COPS7A: variants seen among roughly 807,000 people sequenced by gnomAD.
COPS7A encodes the protein COP9 signalosome complex subunit 7a.
A neutral mutation model predicts 35.2 loss-of-function variants in COPS7A; 20 were observed. The ratio of observed to expected loss-of-function variants is 0.57; its 90% CI spans 0.40 to 0.83. The LOEUF (loss-of-function observed/expected upper bound fraction) is 0.83. COPS7A is among the 40% of genes least tolerant of loss of function. The pLI, the probability that COPS7A is intolerant of heterozygous loss-of-function variation, is 0.00. For synonymous variants in COPS7A, 139 were observed against 141.4 expected (o/e 0.98, Z 0.12); for missense variants, 247 against 347.5 (o/e 0.71, Z 2.30).
intron 2 of COPS7A, chr12:6,727,689 T>A (rs1386541163): frequency 4.6e-6 from 3 of 650,424 alleles, no homozygotes; most frequent in African/African-American, 3.6e-5. Flanking sequence ...TTGGATGACG[T>A]ATGGAGCAAG....
Position 6,730,680 on chromosome 12 carries a change from T to C in COPS7A, c.648T>C (p.Leu216=). ...KQQIESEVAN[L]KKTIKVTTAA... is the part of the protein sequence containing the mutation. The stretch of plus-strand genomic sequence containing the variant: ...TTTCATCCTGGTAGGTTGCCAACCT[T>C]AAAAAAACCATTAAAGTTACGACGG... The change falls in exon 7 of 8, where the codon CTT becomes CTC. Residue 216 remains leucine (L), a synonymous_variant. Transcript: ENST00000543155. 6.2e-7 allele frequency: 1 copy of C among 1,613,942 alleles called. No individual in the cohort carries two copies. The highest frequency in any genetic ancestry group is 2.2e-5 in the East Asian group (1 of 44,864).
Position 6,728,016 on chromosome 12 carries a change from T to A in COPS7A, c.238+15T>A. On this transcript the variant is annotated intron_variant, in intron 3 of 7. Transcript: ENST00000543155. Reference sequence around the variant, plus strand: ...TGACTACTTAGGTAACCAGAGGGGTTGGTGCTCTGGAGTAATGGAGATGGG... The same window carrying A: ...TGACTACTTAGGTAACCAGAGGGGTAGGTGCTCTGGAGTAATGGAGATGGG... 5.0e-6 allele frequency: 8 copies of A among 1,612,698 alleles called. No individual in the cohort carries two copies. The highest frequency in any genetic ancestry group is 6.8e-6 in the Non-Finnish European group (8 of 1,178,728).
Position 6,729,415 on chromosome 12 carries a change from G to A in COPS7A, c.496G>A (p.Asp166Asn). ...YSIGRDIQRQDLSAIARTLQE... is the reference protein window; with the variant it reads ...YSIGRDIQRQNLSAIARTLQE... ...CATCGGGCGGGACATCCAGCGCCAGGACCTCAGTGCCATTGCCCGAACCCT... is the reference window on the plus strand; with the variant it reads ...CATCGGGCGGGACATCCAGCGCCAGAACCTCAGTGCCATTGCCCGAACCCT... Residue 166 changes from aspartate (D) to asparagine (N), a missense_variant, in exon 5 of 8, where the codon GAC (aspartate) becomes AAC (asparagine). Coordinates refer to ENST00000543155, the MANE Select transcript of COPS7A (RefSeq NM_001164094.2). This position sits in a 1 kb window ranked among gnomAD's most constrained non-coding sequence, Gnocchi z 4.2. 1.2e-6 allele frequency: 2 copies of A among 1,614,058 alleles called. No individual in the cohort carries two copies. Among genetic ancestry groups the A allele is most frequent in the Non-Finnish European group, 1.7e-6 (2 of 1,180,042 alleles).
intron 7 of COPS7A, 52 bp from the exon 8 acceptor site, chr12:6,730,948 G>A (rs1231299733): frequency 1.3e-6 from 2 of 1,592,894 alleles, no homozygotes; most frequent in African/African-American, 2.7e-5. Flanking sequence ...AGGGGTTAGG[G>A]GATTCCCTGC....
chr12:6,730,717 G>GCAGCCA lies in COPS7A; in HGVS notation c.688_693dup (p.Ala230_Thr231dup). The GCAGCCA allele has an allele frequency of 1.2e-6, 2 of 1,613,576 alleles. No homozygotes were observed. Among genetic ancestry groups the GCAGCCA allele is most frequent in the East Asian group, 2.2e-5 (1 of 44,870 alleles). ...TAAAGTTACGACGGCAGCAGCAGCC[G>GCAGCCA]CAGCCACATCTCAGGACCCTGAGCA... is the stretch of plus-strand genomic sequence containing the variant. On this transcript the variant is annotated inframe_insertion, in exon 7 of 8. Coordinates refer to ENST00000543155, the MANE Select transcript of COPS7A (RefSeq NM_001164094.2).
chr12:6,724,677 G>A lies in COPS7A; in HGVS notation c.21G>A (p.Val7=), dbSNP rs1465561032. Residue 7 remains valine, a synonymous_variant, in exon 2 of 8, where the codon GTG becomes GTA. Coordinates refer to ENST00000543155, the MANE Select transcript of COPS7A (RefSeq NM_001164094.2). MSAEVK[V]TGQNQEQFLL... ...CAGTGATGAGTGCGGAAGTGAAGGT[G>A]ACAGGGCAGAACCAGGAGCAATTTC... 1 of 1,614,122 alleles carries A rather than the reference G, an allele frequency of 6.2e-7. No homozygotes were observed.
intron 5 of COPS7A, 32 bp from the exon 6 acceptor site, chr12:6,730,370 C>A (rs1032647247): frequency 6.2e-7 from 1 of 1,603,870 alleles, no homozygotes; most frequent in Admixed American, 1.7e-5. Flanking sequence ...CAGCCCTTGT[C>A]TGCTGACACT....
In COPS7A at chr12:6,729,287, G is replaced by A. The variant is rs141939720; in HGVS notation, c.368G>A (p.Arg123His). 88 of 1,614,142 alleles carry A rather than the reference G, an allele frequency of 5.5e-5. No individual in the cohort carries two copies. The African/African-American group carries it at 5.9e-4, about 11-fold the overall frequency. The change falls in exon 5 of 8, where the codon CGT (arginine) becomes CAT (histidine). Residue 123 changes from arginine (R) to histidine (H), a missense_variant. Coordinates refer to ENST00000543155, the MANE Select transcript of COPS7A (RefSeq NM_001164094.2). This position sits in a 1 kb window ranked among gnomAD's most constrained non-coding sequence, Gnocchi z 4.2. ...GTGTTGCTGGAGGCTCTTGCCCTGCGTAATGTGCGGCAGCTGGAAGACCTT... is the reference window on the plus strand; with the variant it reads ...GTGTTGCTGGAGGCTCTTGCCCTGCATAATGTGCGGCAGCTGGAAGACCTT... ...YAVLLEALALRNVRQLEDLVI... is the reference protein window; with the variant it reads ...YAVLLEALALHNVRQLEDLVI...
chr12:6,728,649 A>C (rs1941316551), intron 4 of COPS7A, among the ~76,000 whole-genome samples: 1 of 152,146 alleles, frequency 6.6e-6, no homozygotes, highest in Non-Finnish European at 1.5e-5. Flanking sequence ...TCTCTTTGTT[A>C]GGATAAAACA....
intron 3 of COPS7A, 25 bp downstream of exon 3, chr12:6,728,026 G>C: frequency 1.2e-6 from 2 of 1,611,138 alleles, no homozygotes; most frequent in Non-Finnish European, 1.7e-6. Flanking sequence ...TGGTGCTCTG[G>C]AGTAATGGAG....
chr12:6,725,719 A>G (rs1189839077), intron 2 of COPS7A: 3 of 456,064 alleles, frequency 6.6e-6, no homozygotes, highest in Admixed American at 4.7e-5. Flanking sequence ...TTAATTTACA[A>G]TCAGAGGAGG....
At chr12:6,726,006 T>A (rs1941243528) in intron 2 of COPS7A, 1 of 426,660 alleles carries the variant, frequency 2.3e-6, no homozygotes, top group South Asian at 1.6e-5. Flanking sequence ...TATGGCAGAA[T>A]CCTGTCTCTG....
rs1422530598 is a variant in COPS7A at position 6,729,620 on chromosome 12, C to T, written c.530+171C>T. ...CTGGGGAATGCAGGAGTAGGGGAGGCCCTGGGAGGCGGCAGAAGTCAGTGT... is the reference window on the plus strand; with the variant it reads ...CTGGGGAATGCAGGAGTAGGGGAGGTCCTGGGAGGCGGCAGAAGTCAGTGT... On this transcript the variant is annotated intron_variant, in intron 5 of 7. Coordinates refer to ENST00000543155, the MANE Select transcript of COPS7A (RefSeq NM_001164094.2). This position sits in a 1 kb window ranked among gnomAD's most constrained non-coding sequence, Gnocchi z 4.2. Among the ~76,000 whole-genome samples the T allele has an allele frequency of 1.3e-5, 2 of 152,110 alleles. No individual in the cohort carries two copies. The highest frequency in any genetic ancestry group is 2.4e-5 in the African/African-American group (1 of 41,418).
chr12:6,726,004 A>G (rs539659649), intron 2 of COPS7A: 1 of 428,858 alleles, frequency 2.3e-6, no homozygotes, highest in Non-Finnish European at 4.7e-6. Context: ...GATATGGCAG[A>G]ATCCTGTCTC....
At chr12:6,730,602 C>G in intron 6 of COPS7A, 67 bp from the exon 7 acceptor site, 1 of 1,610,812 alleles carries the variant, frequency 6.2e-7, no homozygotes, top group Non-Finnish European at 8.5e-7. Flanking sequence ...TAGCAGACAA[C>G]CAGATGAGCA....
chr12:6,730,747 C>T lies in COPS7A; in HGVS notation c.715C>T (p.Leu239=), dbSNP rs2286730. The change falls in exon 7 of 8, where the codon CTG becomes TTG. Residue 239 remains leucine, a synonymous_variant. Coordinates refer to ENST00000543155, the MANE Select transcript of COPS7A (RefSeq NM_001164094.2). ...CACATCTCAGGACCCTGAGCAACAC[C>T]TGACTGAGCTGAGGGAACCAGCTCC... ...AATSQDPEQH[L]TELREPAPGT... 0.093 allele frequency: 149,645 copies of T among 1,614,044 alleles called. 8,168 individuals carry two copies. Among genetic ancestry groups the T allele is most frequent in the African/African-American group, 0.23 (17,525 of 74,974 alleles).
chr12:6,728,141 A>G, intron 3 of COPS7A, 82 bp from the exon 4 acceptor site: 1 of 1,482,388 alleles, frequency 6.7e-7, no homozygotes, highest in East Asian at 2.3e-5. Context: ...ATTGGCATTG[A>G]AAGTGGGAGG....
intron 1 of COPS7A, 139 bp downstream of exon 1, chr12:6,724,318 G>A: frequency 2.3e-6 from 1 of 430,168 alleles, no homozygotes; most frequent in South Asian, 1.7e-5. Flanking sequence ...AGAGCTGAGG[G>A]AGCGTCGTCA....
At chr12:6,724,212 C>T (rs964794781) in intron 1 of COPS7A, 33 bp downstream of exon 1, 26 of 271,034 alleles carry the variant, frequency 9.6e-5, no homozygotes, top group African/African-American at 5.6e-4. Context: ...AGCCCACGGT[C>T]GCTGGGCGGT....
Sources: allele counts gnomAD v4.1 joint callset (sites outside exome capture counted in the v4.1 genomes callset), GRCh38; gene constraint gnomAD v4.1.1; non-coding constraint Gnocchi (gnomAD v3.1); transcripts MANE v1.5; gene names NCBI Gene and HGNC (gene_info 2026-07-23, HGNC 2026-07-21).